Variants in NIPBL observed in about 807,000 individuals in gnomAD.
NIPBL encodes the protein nipped-B-like protein.
NIPBL carries 19 observed loss-of-function variants against 321.8 expected under a neutral mutation model. The observed-to-expected ratio is 0.06, with a 90% CI of 0.04 to 0.09. NIPBL has a LOEUF of 0.09. NIPBL is among the 10% of genes least tolerant of loss of function. The probability of loss-of-function intolerance (pLI) is 1.00; values close to 1 mark genes in which losing one functional copy is unlikely to be tolerated. For missense variants in NIPBL, 2,210 were observed against 3,327.0 expected, an observed-to-expected ratio of 0.66 and a Z score of 8.26; for synonymous variants, 1,106 against 1,114.1, an observed-to-expected ratio of 0.99 and a Z score of 0.14.
At position 37,002,693 on chromosome 5, in the gene NIPBL, C is replaced by G. The variant is rs2149672479; in HGVS notation, c.3696C>G (p.Leu1232=). 6.2e-7 allele frequency: 1 copy of G among 1,612,500 alleles called. No individual in the cohort carries two copies. Among genetic ancestry groups the G allele is most frequent in the Non-Finnish European group, 8.5e-7 (1 of 1,178,948 alleles). Residue 1232 remains leucine, a synonymous_variant, in exon 15 of 47, where the codon CTC becomes CTG. Coordinates refer to ENST00000282516, the MANE Select transcript of NIPBL (RefSeq NM_133433.4). The part of the protein sequence containing the change: ...GDDDEIPQEL[L]LGKHQLNELG... ...ATGATGAAATTCCTCAGGAACTGCT[C>G]TTAGGAAAACATCAGCTTAATGAAC...
At chr5:37,032,550 A>G (rs1463887293) in intron 32 of NIPBL, among the ~76,000 whole-genome samples, 1 of 151,988 alleles carries the variant, frequency 6.6e-6, no homozygotes, top group East Asian at 1.9e-4. Context: ...CAGGAGGATC[A>G]TTTGAAGCCT....
At chr5:37,012,456 A>ATTTTTTTTT (rs763144789) in intron 21 of NIPBL, among the ~76,000 whole-genome samples, 4 of 107,208 alleles carry the variant, frequency 3.7e-5, no homozygotes, top group Non-Finnish European at 5.5e-5. Context: ...TCTTTCTCCA[A>ATTTTTTTTT]TTTTTTTTTT....
chr5:37,031,283 G>C (rs1409329207), intron 32 of NIPBL, among the ~76,000 whole-genome samples: 4 of 152,250 alleles, frequency 2.6e-5, no homozygotes, highest in African/African-American at 9.6e-5. Flanking sequence ...ACCGTGCCTG[G>C]CCAGTATGTC....
chr5:37,060,206 C>T (rs985554506), intron 44 of NIPBL, among the ~76,000 whole-genome samples: 1 of 152,206 alleles, frequency 6.6e-6, no homozygotes, highest in Non-Finnish European at 1.5e-5. Flanking sequence ...AACAGGGTCT[C>T]GCTCTGATGC....
intron 3 of NIPBL, among the ~76,000 whole-genome samples, chr5:36,957,322 A>G (rs1271379386): frequency 6.6e-6 from 1 of 152,226 alleles, no homozygotes; most frequent in East Asian, 1.9e-4. Flanking sequence ...TGGAAAAATT[A>G]CATAACCTCT....
At chr5:37,032,386 C>CGTGGGT (rs1751141414) in intron 32 of NIPBL, among the ~76,000 whole-genome samples, 1 of 123,518 alleles carries the variant, frequency 8.1e-6, no homozygotes, top group South Asian at 3.0e-4. Flanking sequence ...TACATGTATA[C>CGTGGGT]GTGTGTGTGT....
chr5:36,939,491 T>A (rs1159199442), intron 1 of NIPBL, among the ~76,000 whole-genome samples: 1 of 152,242 alleles, frequency 6.6e-6, no homozygotes, highest in Non-Finnish European at 1.5e-5. Context: ...TCCCTTTTAT[T>A]GTTCTGGCAG....
At chr5:36,991,896 A>T (rs1454607864) in intron 10 of NIPBL, among the ~76,000 whole-genome samples, 1 of 152,094 alleles carries the variant, frequency 6.6e-6, no homozygotes, top group African/African-American at 2.4e-5. Context: ...TCTATCTCAG[A>T]GTTGTTTTCC....
chr5:37,006,922 T>A (rs1403415736), intron 17 of NIPBL, among the ~76,000 whole-genome samples: 1 of 151,990 alleles, frequency 6.6e-6, no homozygotes, highest in East Asian at 1.9e-4. Context: ...TTCTTAACCT[T>A]TATAAATGAG....
At chr5:37,061,505 C>T (rs1322748228) in intron 45 of NIPBL, among the ~76,000 whole-genome samples, 1 of 152,042 alleles carries the variant, frequency 6.6e-6, no homozygotes, top group African/African-American at 2.4e-5. Flanking sequence ...TGGCAAATCC[C>T]CGTATCTATA....
chr5:37,021,020 C>T lies in NIPBL; in HGVS notation c.5328+143C>T, dbSNP rs992957542. ...AGTATTTGTTTTTAGGTTCTCCGGC[C>T]GGGTGTAGTGGCTCACGCCTGTAAT... is the stretch of plus-strand genomic sequence containing the variant. On this transcript the variant is annotated intron_variant, in intron 27 of 46. Coordinates refer to ENST00000282516, the MANE Select transcript of NIPBL (RefSeq NM_133433.4). 2.8e-5 allele frequency: 21 copies of T among 744,906 alleles called. 1 individual carries two copies. The highest frequency in any genetic ancestry group is 1.4e-4 in the Admixed American group (7 of 50,558). 46.1% of individuals were successfully genotyped at this position (744,906 alleles called of 1,614,324 possible). A position where few individuals can be genotyped will look rare whatever the true frequency, so the allele number is the denominator to read the frequency against.
intron 6 of NIPBL, 40 bp downstream of exon 6, chr5:36,962,314 T>G: frequency 6.2e-7 from 1 of 1,609,112 alleles, no homozygotes; most frequent in Non-Finnish European, 8.5e-7. Flanking sequence ...AATGTCTAAG[T>G]GCTTTAATTC....
intron 43 of NIPBL, among the ~76,000 whole-genome samples, chr5:37,058,177 C>T (rs983020868): frequency 1.1e-4 from 17 of 152,308 alleles, no homozygotes; most frequent in Admixed American, 3.3e-4. Context: ...TTTGCTGAAA[C>T]AGAATCTGCA....
intron 1 of NIPBL, among the ~76,000 whole-genome samples, chr5:36,922,077 G>A (rs756795479): frequency 3.3e-5 from 5 of 151,356 alleles, no homozygotes; most frequent in African/African-American, 1.2e-4. Context: ...TAGTAGAGGC[G>A]GGGTTTCACC....
intron 6 of NIPBL, among the ~76,000 whole-genome samples, chr5:36,970,581 G>A (rs1472875382): frequency 6.6e-6 from 1 of 151,748 alleles, no homozygotes; most frequent in Admixed American, 6.6e-5. Flanking sequence ...CACATAGGCA[G>A]AATAAACTCA....
intron 32 of NIPBL, among the ~76,000 whole-genome samples, chr5:37,029,677 A>G (rs764417888): frequency 2.6e-5 from 4 of 152,244 alleles, no homozygotes; most frequent in Non-Finnish European, 4.4e-5. Context: ...CCATCAGTGT[A>G]TGAAAGTTCC....
chr5:37,017,300 C>G, intron 24 of NIPBL, 138 bp downstream of exon 24: 1 of 793,550 alleles, frequency 1.3e-6, no homozygotes, highest in Non-Finnish European at 2.0e-6. Flanking sequence ...TTCAAAGCCC[C>G]AGTGAGAAAT....
intron 1 of NIPBL, among the ~76,000 whole-genome samples, chr5:36,952,314 G>A (rs1342834634): frequency 6.6e-6 from 1 of 151,962 alleles, no homozygotes; most frequent in Non-Finnish European, 1.5e-5. Flanking sequence ...TGACTGACTA[G>A]CAAATACAAC....
intron 1 of NIPBL, among the ~76,000 whole-genome samples, chr5:36,928,012 C>G (rs919956328): frequency 9.2e-5 from 14 of 151,822 alleles, no homozygotes; most frequent in Non-Finnish European, 1.9e-4. Context: ...AATTTTCTAC[C>G]ACTTTCTTTC....
Sources: allele counts gnomAD v4.1 joint callset (sites outside exome capture counted in the v4.1 genomes callset), GRCh38; gene constraint gnomAD v4.1.1; transcripts MANE v1.5; gene names NCBI Gene and HGNC (gene_info 2026-07-23, HGNC 2026-07-21).